Variants in TMEM132D observed in about 807,000 individuals in gnomAD.
TMEM132D encodes the protein transmembrane protein 132D, also known as mature OL transmembrane protein.
In TMEM132D, 21 loss-of-function variants were observed where a neutral mutation model predicts 62.3. The observed-to-expected ratio is 0.34, with a 90% CI of 0.24 to 0.49. TMEM132D has a LOEUF of 0.49. TMEM132D is among the 20% of genes least tolerant of loss of function. TMEM132D has a pLI of 0.99. For missense variants in TMEM132D, 1,346 were observed against 1,402.8 expected (o/e 0.96, Z 0.65); for synonymous variants, 621 against 575.6 (o/e 1.08, Z -1.13).
Position 129,816,322 on chromosome 12 carries a change from T to C in TMEM132D, c.79+86939A>G, listed in dbSNP as rs77079178. Among the ~76,000 whole-genome samples the C allele has an allele frequency of 9.7e-3, 1,473 of 152,342 alleles. 28 individuals carry two copies. Among genetic ancestry groups the C allele is most frequent in the African/African-American group, 0.033 (1,392 of 41,578 alleles). On this transcript the variant is annotated intron_variant, in intron 1 of 8. Coordinates refer to ENST00000422113, the MANE Select transcript of TMEM132D (RefSeq NM_133448.3). Reference sequence around the variant, plus strand: ...TTATTACAATGTGTTAAAAGAGCTGTCATTTATACACAATAAATTCTGGTG... The same window carrying C: ...TTATTACAATGTGTTAAAAGAGCTGCCATTTATACACAATAAATTCTGGTG...
At chr12:129,178,030 T>A (rs978367008) in intron 5 of TMEM132D, among the ~76,000 whole-genome samples, 1 of 152,216 alleles carries the variant, frequency 6.6e-6, no homozygotes, top group Admixed American at 6.5e-5. Flanking sequence ...GTGTTTGGTT[T>A]TCTGTCCTGC....
At chr12:129,668,972 C>T (rs915971982) in intron 2 of TMEM132D, among the ~76,000 whole-genome samples, 10 of 152,292 alleles carry the variant, frequency 6.6e-5, no homozygotes, top group Middle Eastern at 3.4e-3. Flanking sequence ...CACTTTCTAA[C>T]AGGCTCAGAA....
chr12:129,546,764 G>A lies in TMEM132D; in HGVS notation c.969-15559C>T, dbSNP rs569317069. Among the ~76,000 whole-genome samples, 14 of 151,340 alleles carry A rather than the reference G, an allele frequency of 9.3e-5. No individual in the cohort carries two copies. The South Asian group carries it at 1.5e-3, about 16-fold the overall frequency. On this transcript the variant is annotated intron_variant, in intron 2 of 8. Transcript: ENST00000422113. ...TGCAGTGAGCCGAGATCATGCCACC[G>A]TACTCCAGCCTGGGCAACAGAGCGA...
intron 1 of TMEM132D, among the ~76,000 whole-genome samples, chr12:129,803,036 G>A (rs1169217146): frequency 4.0e-5 from 6 of 150,522 alleles, no homozygotes; most frequent in South Asian, 4.3e-4. Flanking sequence ...CAGATTCATA[G>A]AGCAAGTCCT....
chr12:129,321,686 C>G lies in TMEM132D; in HGVS notation c.1299+15948G>C, dbSNP rs562143167. On this transcript the variant is annotated intron_variant, in intron 4 of 8. Coordinates refer to ENST00000422113, the MANE Select transcript of TMEM132D (RefSeq NM_133448.3). ...ATTCTCCTGCTTCAGCCTCCCCCGACTAGCTGGGACTACAGGCGCCCGCCA... is the reference window on the plus strand; with the variant it reads ...ATTCTCCTGCTTCAGCCTCCCCCGAGTAGCTGGGACTACAGGCGCCCGCCA... 1.5e-3 allele frequency among the ~76,000 whole-genome samples: 226 copies of G among 152,230 alleles called. 2 individuals are homozygous for G. Among genetic ancestry groups the G allele is most frequent in the South Asian group, 5.8e-3 (28 of 4,830 alleles).
intron 2 of TMEM132D, among the ~76,000 whole-genome samples, chr12:129,556,022 T>C (rs1164913324): frequency 6.6e-6 from 1 of 152,152 alleles, no homozygotes; most frequent in Non-Finnish European, 1.5e-5. Flanking sequence ...CGACTTATGG[T>C]TTTTCCATGA....
chr12:129,642,737 C>A (rs1366539991), intron 2 of TMEM132D, among the ~76,000 whole-genome samples: 2 of 152,160 alleles, frequency 1.3e-5, no homozygotes, highest in Non-Finnish European at 2.9e-5. Context: ...TGCAACGCAA[C>A]CTCACCTTAG....
chr12:129,180,528 A>G (rs555574984), intron 5 of TMEM132D, among the ~76,000 whole-genome samples: 9 of 152,346 alleles, frequency 5.9e-5, no homozygotes, highest in African/African-American at 2.2e-4. Flanking sequence ...TATGATGAAT[A>G]CGAGACAGAC....
intron 4 of TMEM132D, among the ~76,000 whole-genome samples, chr12:129,286,904 C>A (rs532833275): frequency 6.6e-6 from 1 of 152,018 alleles, no homozygotes; most frequent in African/African-American, 2.4e-5. Context: ...AAAAATTAGT[C>A]GGGCGTGGTG....
intron 1 of TMEM132D, among the ~76,000 whole-genome samples, chr12:129,795,441 A>C (rs1871534813): frequency 6.6e-6 from 1 of 152,224 alleles, no homozygotes; most frequent in Non-Finnish European, 1.5e-5. Flanking sequence ...AAATATTTAA[A>C]AAATTTAATG....
At chr12:129,432,570 C>T (rs1184260218) in intron 3 of TMEM132D, among the ~76,000 whole-genome samples, 1 of 152,172 alleles carries the variant, frequency 6.6e-6, no homozygotes, top group East Asian at 1.9e-4. Context: ...CTCAGCATTC[C>T]CTTATGTGAC....
chr12:129,475,222 CT>C (rs1333664805), intron 3 of TMEM132D, among the ~76,000 whole-genome samples: 1 of 152,156 alleles, frequency 6.6e-6, no homozygotes, highest in African/African-American at 2.4e-5. Context: ...TCAGACTCAG[CT>C]GAACACATAG....
At chr12:129,897,768 C>A (rs1451366582) in intron 1 of TMEM132D, among the ~76,000 whole-genome samples, 2 of 152,096 alleles carry the variant, frequency 1.3e-5, no homozygotes, top group African/African-American at 4.8e-5. Context: ...ATTTGCTCAA[C>A]AAATATCAAG....
intron 5 of TMEM132D, among the ~76,000 whole-genome samples, chr12:129,180,981 G>A (rs918883597): frequency 6.6e-6 from 1 of 152,144 alleles, no homozygotes; most frequent in African/African-American, 2.4e-5. Context: ...TGATTCGATG[G>A]AGGTTATGGG....
At chr12:129,511,209 T>C (rs761684583) in intron 3 of TMEM132D, among the ~76,000 whole-genome samples, 4 of 152,222 alleles carry the variant, frequency 2.6e-5, no homozygotes, top group Non-Finnish European at 5.9e-5. Context: ...CTGGTCTCAG[T>C]AATTCCTAAC....
intron 3 of TMEM132D, among the ~76,000 whole-genome samples, chr12:129,469,188 G>A (rs1248034322): frequency 3.3e-5 from 5 of 152,184 alleles, no homozygotes; most frequent in African/African-American, 7.2e-5. Flanking sequence ...CAAGAGTGAC[G>A]TTCTGTTTTC....
chr12:129,201,994 G>T (rs1878716757), intron 5 of TMEM132D, among the ~76,000 whole-genome samples: 1 of 144,908 alleles, frequency 6.9e-6, no homozygotes. Context: ...GCTTTCACTG[G>T]GGACCTGTTG....
chr12:129,222,508 T>C (rs1409783713), intron 4 of TMEM132D, among the ~76,000 whole-genome samples: 1 of 152,236 alleles, frequency 6.6e-6, no homozygotes, highest in African/African-American at 2.4e-5. Flanking sequence ...TTTTAGACTT[T>C]AGCTACTGAT....
chr12:129,219,102 G>T (rs1222027932), intron 4 of TMEM132D, among the ~76,000 whole-genome samples: 1 of 152,194 alleles, frequency 6.6e-6, no homozygotes, highest in Non-Finnish European at 1.5e-5. Flanking sequence ...GGTGGGGCCA[G>T]CTCAGGTGAT....
Sources: gnomAD v4.1 joint callset for allele counts (sites outside exome capture counted in the v4.1 genomes callset) on GRCh38, gnomAD v4.1.1 for gene constraint, MANE v1.5 for transcripts, NCBI Gene and HGNC (gene_info 2026-07-23, HGNC 2026-07-21) for gene names.